NT5DC3: variants seen among roughly 807,000 people sequenced by gnomAD.
NT5DC3 encodes the protein 5'-nucleotidase domain containing 3.
NT5DC3 carries 42 observed loss-of-function variants against 67.8 expected under a neutral mutation model. That is an observed-to-expected ratio of 0.62 (90% CI 0.48 to 0.80). The LOEUF is 0.80. Ranked by LOEUF, NT5DC3 falls within the 30% of genes least tolerant of loss-of-function variation. The pLI, the probability that NT5DC3 is intolerant of heterozygous loss-of-function variation, is 0.00. For synonymous variants in NT5DC3, 237 were observed against 255.6 expected, an observed-to-expected ratio of 0.93 and a Z score of 0.69; for missense variants, 570 against 696.4, an observed-to-expected ratio of 0.82 and a Z score of 2.04.
intron 1 of NT5DC3, among the ~76,000 whole-genome samples, chr12:103,819,927 A>C (rs1887423420): frequency 6.6e-6 from 1 of 151,994 alleles, no homozygotes; most frequent in Non-Finnish European, 1.5e-5. Context: ...CCCATTAAAA[A>C]ACTCCTCATT....
intron 1 of NT5DC3, among the ~76,000 whole-genome samples, chr12:103,834,174 C>T (rs1296481899): frequency 6.6e-6 from 1 of 152,036 alleles, no homozygotes; most frequent in Non-Finnish European, 1.5e-5. Context: ...CCTCCAGCTC[C>T]CACTGAGAAC....
chr12:103,763,574 C>T, the NT5DC3 span: 1 of 1,614,112 alleles, frequency 6.2e-7, no homozygotes, highest in South Asian at 1.1e-5. Flanking sequence ...AGCACAACCT[C>T]AGCTCCCCCA....
chr12:103,763,409 G>T, the NT5DC3 span: 1 of 1,133,716 alleles, frequency 8.8e-7, no homozygotes, highest in Non-Finnish European at 1.3e-6. Flanking sequence ...GAGGCAAAGG[G>T]TGGCTTGCTT....
chr12:103,833,238 A>G (rs11111807), intron 1 of NT5DC3, among the ~76,000 whole-genome samples: 27,670 of 152,098 alleles, frequency 0.18, 2,661 homozygotes, highest in Middle Eastern at 0.31. Flanking sequence ...CTGACTCACT[A>G]GCTCCGAAGC....
intron 1 of NT5DC3, among the ~76,000 whole-genome samples, chr12:103,840,438 C>CCCATG (rs1888360240): frequency 6.8e-6 from 1 of 146,996 alleles, no homozygotes; most frequent in Non-Finnish European, 1.5e-5. Context: ...CCCATTCCAT[C>CCCATG]CCATCCCATC....
At chr12:103,796,681 C>T (rs1886331981) in intron 6 of NT5DC3, among the ~76,000 whole-genome samples, 1 of 152,266 alleles carries the variant, frequency 6.6e-6, no homozygotes, top group Non-Finnish European at 1.5e-5. Flanking sequence ...AGTGTCAGCA[C>T]CATCTCGTTT....
rs144427714 is a variant in NT5DC3 at position 103,803,674 on chromosome 12, A to G, written c.524+2648T>C. Among the ~76,000 whole-genome samples, 360 of 152,044 alleles carry G rather than the reference A, an allele frequency of 2.4e-3. 5 individuals carry two copies. The highest frequency in any genetic ancestry group is 8.2e-3 in the African/African-American group (338 of 41,442). Reference sequence around the variant, plus strand: ...ATCCCAGAGTCTATTGTTCACCTCTATATGTCCATGAGTCCCCATCATTTA... The same window carrying G: ...ATCCCAGAGTCTATTGTTCACCTCTGTATGTCCATGAGTCCCCATCATTTA... On this transcript the variant is annotated intron_variant, in intron 4 of 13. Coordinates refer to ENST00000392876, the MANE Select transcript of NT5DC3 (RefSeq NM_001031701.3).
At chr12:103,754,994 A>G in the NT5DC3 span, 1 of 319,670 alleles carries the variant, frequency 3.1e-6, no homozygotes. Context: ...CTACCAACCC[A>G]TTAGCAGAAA....
downstream of NT5DC3, among the ~76,000 whole-genome samples, chr12:103,769,537 C>T (rs930871434): frequency 1.3e-5 from 2 of 152,212 alleles, no homozygotes; most frequent in African/African-American, 4.8e-5. Flanking sequence ...AGGCCCTAGG[C>T]AAATGGAGCT....
downstream of NT5DC3, among the ~76,000 whole-genome samples, chr12:103,771,854 G>A (rs1168248252): frequency 6.6e-6 from 1 of 152,212 alleles, no homozygotes; most frequent in African/African-American, 2.4e-5. Context: ...GGAGCAGGCT[G>A]TCATTTCCTC....
At chr12:103,755,313 C>T in the NT5DC3 span, 1 of 1,614,012 alleles carries the variant, frequency 6.2e-7, no homozygotes. Context: ...CCAAGTACCA[C>T]CTGTGCTCAG....
chr12:103,763,554 C>G, the NT5DC3 span: 2 of 1,613,970 alleles, frequency 1.2e-6, no homozygotes. Context: ...TCTCGAACCC[C>G]TTGTATGAGA....
intron 1 of NT5DC3, among the ~76,000 whole-genome samples, chr12:103,816,338 G>A (rs986719756): frequency 6.6e-6 from 1 of 152,180 alleles, no homozygotes; most frequent in Non-Finnish European, 1.5e-5. Flanking sequence ...TGAGATTTTG[G>A]AGCATTGTGG....
Position 103,796,656 on chromosome 12 carries a change from A to G in NT5DC3, c.753+238T>C, listed in dbSNP as rs527452550. Among the ~76,000 whole-genome samples, 8 of 152,396 alleles carry G rather than the reference A, an allele frequency of 5.2e-5. No homozygotes were observed. In the South Asian group the frequency reaches 1.7e-3, roughly 32 times the overall value. ...CTTGGCCTTCTGGTCAGAAAGGATC[A>G]AAAATTGAGATAACAGTGTCAGCAC... is the stretch of plus-strand genomic sequence containing the variant. On this transcript the variant is annotated intron_variant, in intron 6 of 13. Transcript: ENST00000392876.
chr12:103,801,056 G>A (rs1886552115), intron 4 of NT5DC3, among the ~76,000 whole-genome samples: 1 of 151,986 alleles, frequency 6.6e-6, no homozygotes, highest in Admixed American at 6.6e-5. Context: ...TTAAACTATA[G>A]GTACAAAAAT....
chr12:103,778,391 C>T (rs11829459), intron 13 of NT5DC3, among the ~76,000 whole-genome samples: 27,169 of 151,884 alleles, frequency 0.18, 2,953 homozygotes, highest in East Asian at 0.45. Flanking sequence ...ATTGGCCAGG[C>T]GTGGTGGCGC....
chr12:103,786,033 T>C (rs530880406), intron 11 of NT5DC3, among the ~76,000 whole-genome samples: 2 of 152,248 alleles, frequency 1.3e-5, no homozygotes, highest in Admixed American at 6.5e-5. Flanking sequence ...ATAGTCATCA[T>C]ACTAAATGTG....
the NT5DC3 span, chr12:103,763,764 G>A: frequency 4.4e-6 from 3 of 674,888 alleles, no homozygotes; most frequent in Non-Finnish European, 5.0e-6. Context: ...CAAGCTGACT[G>A]AAGCCAGTGT....
chr12:103,763,202 T>C, the NT5DC3 span: 67 of 330,192 alleles, frequency 2.0e-4, no homozygotes, highest in Admixed American at 9.6e-4. Context: ...GCAGTTACCC[T>C]GGGTGGCAGG....
Sources: allele counts gnomAD v4.1 joint callset (sites outside exome capture counted in the v4.1 genomes callset), GRCh38; gene constraint gnomAD v4.1.1; transcripts MANE v1.5; gene names NCBI Gene and HGNC (gene_info 2026-07-23, HGNC 2026-07-21).